RBFOX2: variants seen among roughly 807,000 people sequenced by gnomAD.
The protein encoded by RBFOX2 is RNA binding fox-1 homolog 2.
In RBFOX2, 10 loss-of-function variants were observed where a neutral mutation model predicts 49.1. The observed-to-expected ratio is 0.20, with a 90% CI of 0.13 to 0.35. The LOEUF (loss-of-function observed/expected upper bound fraction) is 0.35. Among genes scored for constraint, RBFOX2 ranks in the 10% least tolerant of loss-of-function variants. The pLI, the probability that RBFOX2 is intolerant of heterozygous loss-of-function variation, is 1.00. For missense variants in RBFOX2, 323 were observed against 486.9 expected, an observed-to-expected ratio of 0.66 and a Z score of 3.17; for synonymous variants, 183 against 187.4, an observed-to-expected ratio of 0.98 and a Z score of 0.19.
intron 1 of RBFOX2, among the ~76,000 whole-genome samples, chr22:35,950,109 A>ATTTTTT (rs146393323): frequency 9.3e-6 from 1 of 107,988 alleles, no homozygotes; most frequent in Non-Finnish European, 2.0e-5. Flanking sequence ...GTCCAACTTC[A>ATTTTTT]TTTTTTTTTT....
intron 1 of RBFOX2, among the ~76,000 whole-genome samples, chr22:35,970,494 A>AC (rs555538617): frequency 0.13 from 19,686 of 151,000 alleles, 2,779 homozygotes; most frequent in African/African-American, 0.36. Context: ...AAAAAAAAAA[A>AC]ACACACACAC....
intron 1 of RBFOX2, among the ~76,000 whole-genome samples, chr22:35,904,498 T>C (rs556981195): frequency 6.6e-6 from 1 of 152,308 alleles, no homozygotes; most frequent in South Asian, 2.1e-4. Context: ...GTTAGAGTGC[T>C]ACTAATTTCA....
At chr22:35,891,141 T>C (rs1569462483) in intron 1 of RBFOX2, among the ~76,000 whole-genome samples, 1 of 152,164 alleles carries the variant, frequency 6.6e-6, no homozygotes, top group Non-Finnish European at 1.5e-5. Flanking sequence ...TGTTATAAAT[T>C]TGTTAAGGGC....
At chr22:36,013,760 CAG>C (rs1232664067) in intron 1 of RBFOX2, among the ~76,000 whole-genome samples, 4 of 151,848 alleles carry the variant, frequency 2.6e-5, no homozygotes, top group East Asian at 1.9e-4. Context: ...GCAAAAAATA[CAG>C]AGAGTATGCT....
intron 2 of RBFOX2, among the ~76,000 whole-genome samples, chr22:35,790,866 G>C (rs975914949): frequency 1.3e-5 from 2 of 152,118 alleles, no homozygotes; most frequent in Non-Finnish European, 2.9e-5. Context: ...AAATTAGCCA[G>C]GAATGATGGC....
At chr22:35,989,994 C>A (rs1186316799) in intron 1 of RBFOX2, among the ~76,000 whole-genome samples, 3 of 152,100 alleles carry the variant, frequency 2.0e-5, no homozygotes, top group African/African-American at 7.2e-5. Context: ...CCAGCCTGGC[C>A]AACATGGTGA....
intron 1 of RBFOX2, among the ~76,000 whole-genome samples, chr22:35,952,443 T>C (rs114629856): frequency 1.3e-5 from 2 of 152,212 alleles, no homozygotes; most frequent in African/African-American, 4.8e-5. Flanking sequence ...GACACAAAGA[T>C]GAATAAGGCC....
chr22:35,978,869 G>A (rs181001183), intron 1 of RBFOX2, among the ~76,000 whole-genome samples: 25 of 152,264 alleles, frequency 1.6e-4, no homozygotes, highest in African/African-American at 4.6e-4. Flanking sequence ...AAAACTGGTT[G>A]GTTCAGGAAA....
At chr22:35,792,315 CAAAAA>C (rs1187704252) in intron 2 of RBFOX2, among the ~76,000 whole-genome samples, 1 of 36,440 alleles carries the variant, frequency 2.7e-5, no homozygotes, top group Non-Finnish European at 5.5e-5. Flanking sequence ...AACTCCGTCT[CAAAAA>C]AAAAAAAAAA....
chr22:35,780,909 G>C (rs1455660857), intron 3 of RBFOX2, among the ~76,000 whole-genome samples: 3 of 152,168 alleles, frequency 2.0e-5, no homozygotes, highest in Non-Finnish European at 4.4e-5. Flanking sequence ...ACAAAGCTAA[G>C]TAGAGAGTGG....
intron 1 of RBFOX2, among the ~76,000 whole-genome samples, chr22:35,827,678 C>T (rs1461880488): frequency 1.3e-5 from 2 of 152,174 alleles, no homozygotes; most frequent in Non-Finnish European, 2.9e-5. Flanking sequence ...ACATCATTTT[C>T]ATGTAATTTA....
At chr22:35,786,320 A>G (rs1170206804) in intron 2 of RBFOX2, among the ~76,000 whole-genome samples, 1 of 152,216 alleles carries the variant, frequency 6.6e-6, no homozygotes, top group Non-Finnish European at 1.5e-5. Flanking sequence ...TAAGTATGAA[A>G]TCTTTAATTC....
At chr22:35,923,612 T>A (rs899066675) in intron 1 of RBFOX2, among the ~76,000 whole-genome samples, 21 of 152,140 alleles carry the variant, frequency 1.4e-4, no homozygotes, top group South Asian at 6.2e-4. Context: ...TGGTTTTTTT[T>A]AAAAAGCCAA....
intron 4 of RBFOX2, among the ~76,000 whole-genome samples, chr22:35,772,603 C>A (rs541146780): frequency 9.2e-5 from 14 of 152,232 alleles, no homozygotes; most frequent in Non-Finnish European, 2.1e-4. Context: ...AGTTTGCAGT[C>A]CTCAGAGCCC....
intron 1 of RBFOX2, among the ~76,000 whole-genome samples, chr22:35,837,144 A>G (rs1957820237): frequency 6.6e-6 from 1 of 152,230 alleles, no homozygotes; most frequent in South Asian, 2.1e-4. Flanking sequence ...TTGATAATTA[A>G]AACAAAAACA....
chr22:35,876,914 T>C (rs1413732947), intron 1 of RBFOX2, among the ~76,000 whole-genome samples: 1 of 152,138 alleles, frequency 6.6e-6, no homozygotes, highest in East Asian at 1.9e-4. Context: ...ATAATGCCAA[T>C]GTAATTAAAT....
At chr22:35,764,245 T>A (rs1940040194) in intron 6 of RBFOX2, among the ~76,000 whole-genome samples, 1 of 152,082 alleles carries the variant, frequency 6.6e-6, no homozygotes, top group Admixed American at 6.6e-5. Flanking sequence ...TTTAAGACAT[T>A]ATTAGCACAT....
chr22:35,843,387 A>G (rs1209217840), upstream of RBFOX2, among the ~76,000 whole-genome samples: 1 of 152,158 alleles, frequency 6.6e-6, no homozygotes, highest in African/African-American at 2.4e-5. Context: ...TACTCAAGAA[A>G]TATTTATTAA....
At chr22:35,757,239 A>C (rs1937262868) in intron 9 of RBFOX2, among the ~76,000 whole-genome samples, 1 of 151,790 alleles carries the variant, frequency 6.6e-6, no homozygotes, top group African/African-American at 2.4e-5. Flanking sequence ...AAAAAAAAAA[A>C]CAAAACCTAA....
Sources: allele counts gnomAD v4.1 joint callset (sites outside exome capture counted in the v4.1 genomes callset), GRCh38; gene constraint gnomAD v4.1.1; transcripts MANE v1.5; gene names NCBI Gene and HGNC (gene_info 2026-07-23, HGNC 2026-07-21).